Variants in KDM4C observed in about 807,000 individuals in gnomAD.
The protein encoded by KDM4C is lysine demethylase 4C.
A neutral mutation model predicts 129.3 loss-of-function variants in KDM4C; 81 were observed. The observed-to-expected ratio is 0.63, with a 90% CI of 0.52 to 0.75. KDM4C has a LOEUF of 0.75. Among genes scored for constraint, KDM4C ranks in the 30% least tolerant of loss-of-function variants. The pLI is 0.00. For missense variants in KDM4C, 1,457 were observed against 1,304.0 expected (o/e 1.12, Z -1.81); for synonymous variants, 573 against 456.1 (o/e 1.26, Z -3.26).
rs1375532172 is a variant in KDM4C at position 6,783,342 on chromosome 9, G to T, written c.-17-9630G>T. 2.6e-5 allele frequency among the ~76,000 whole-genome samples: 4 copies of T among 152,214 alleles called. No homozygotes were observed. In the East Asian group the frequency reaches 5.8e-4, roughly 22 times the overall value. ...GGACCAAGACTGGGATAGAGAAGCA[G>T]ATTTTGGAGGACAGATTCGTTTTTA... is the stretch of plus-strand genomic sequence containing the variant. On this transcript the variant is annotated intron_variant, in intron 1 of 21. Transcript: ENST00000381309.
intron 8 of KDM4C, among the ~76,000 whole-genome samples, chr9:6,948,458 ATTTT>A (rs568217316): frequency 1.7e-5 from 2 of 117,138 alleles, no homozygotes; most frequent in Non-Finnish European, 3.8e-5. Flanking sequence ...CACTTTCCTC[ATTTT>A]TTTTTTTTTT....
At chr9:7,106,116 TC>T (rs1371200166) in intron 18 of KDM4C, among the ~76,000 whole-genome samples, 2 of 152,206 alleles carry the variant, frequency 1.3e-5, no homozygotes, top group African/African-American at 4.8e-5. Flanking sequence ...CCATTCTTCT[TC>T]CATTCGACTC....
At chr9:7,073,501 C>G (rs1338512015) in intron 17 of KDM4C, among the ~76,000 whole-genome samples, 1 of 152,216 alleles carries the variant, frequency 6.6e-6, no homozygotes, top group Admixed American at 6.5e-5. Context: ...GTGGTGGTAG[C>G]TTCCCGATAT....
chr9:6,728,372 A>G (rs1417120211), intron 1 of KDM4C, among the ~76,000 whole-genome samples: 2 of 151,396 alleles, frequency 1.3e-5, no homozygotes, highest in Admixed American at 1.3e-4. Flanking sequence ...TGTCTTTACT[A>G]AAAGTACAAA....
At chr9:6,783,507 G>C (rs1043655073) in intron 1 of KDM4C, among the ~76,000 whole-genome samples, 1 of 152,172 alleles carries the variant, frequency 6.6e-6, no homozygotes, top group African/African-American at 2.4e-5. Context: ...GGGAAGGACA[G>C]TTGAGGCCAG....
chr9:7,052,863 C>CAGAGAGAGAGAGAGAGAG lies in KDM4C; in HGVS notation c.2424+3684_2424+3701dup, dbSNP rs370475585. Among the ~76,000 whole-genome samples, 276 of 40,938 alleles carry CAGAGAGAGAGAGAGAGAG rather than the reference C, an allele frequency of 6.7e-3. 12 individuals are homozygous for CAGAGAGAGAGAGAGAGAG. The highest frequency in any genetic ancestry group is 0.018 in the East Asian group (28 of 1,596). The allele number at this position is 40,938 out of a possible 152,430, so 26.9% of individuals were successfully genotyped here. On this transcript the variant is annotated intron_variant, in intron 17 of 21. Coordinates refer to ENST00000381309, the MANE Select transcript of KDM4C (RefSeq NM_015061.6). ...CTAACCAGAGCTCTGGCCACACCTGCAGAGAGAGAGAGAGAGAGAGAGAGA... is the reference window on the plus strand; with the variant it reads ...CTAACCAGAGCTCTGGCCACACCTGCAGAGAGAGAGAGAGAGAGAGAGAGAGAGAGAGAGAGAGAGAGA...
intron 4 of KDM4C, among the ~76,000 whole-genome samples, chr9:6,816,148 T>C (rs978957775): frequency 4.6e-5 from 7 of 152,240 alleles, no homozygotes; most frequent in African/African-American, 1.7e-4. Context: ...GCTGACTATC[T>C]GTCCCCAACA....
intron 8 of KDM4C, among the ~76,000 whole-genome samples, chr9:6,905,632 G>A (rs921834598): frequency 3.3e-5 from 5 of 152,156 alleles, no homozygotes; most frequent in Admixed American, 2.0e-4. Context: ...GATAACTGCC[G>A]TTCTCAGATT....
rs957084078 is a variant in KDM4C at position 6,928,564 on chromosome 9, C to T, written c.921+35332C>T. Among the ~76,000 whole-genome samples, 39 of 151,318 alleles carry T rather than the reference C, an allele frequency of 2.6e-4. 1 individual carries two copies. Among genetic ancestry groups the T allele is most frequent in the South Asian group, 6.3e-4 (3 of 4,768 alleles). On this transcript the variant is annotated intron_variant, in intron 8 of 21. Transcript: ENST00000381309. ...TCTATTATCACTTCAAATGTTACGT[C>T]GGTATCCTGGACTATAGTATATCAC...
chr9:6,879,920 C>A (rs1173379402), intron 5 of KDM4C, 92 bp from the exon 6 acceptor site: 8 of 586,550 alleles, frequency 1.4e-5, no homozygotes, highest in Non-Finnish European at 2.1e-5. Context: ...TGTTGAATTT[C>A]TTTTATGTGA....
chr9:6,994,958 G>T (rs1229216330), intron 12 of KDM4C, among the ~76,000 whole-genome samples: 3 of 152,134 alleles, frequency 2.0e-5, no homozygotes, highest in African/African-American at 4.8e-5. Context: ...AGGGCTTTTG[G>T]AGCTGTGACA....
At chr9:6,925,687 A>C (rs1179615398) in intron 8 of KDM4C, 2 of 965,244 alleles carry the variant, frequency 2.1e-6, no homozygotes, top group African/African-American at 3.5e-5. Context: ...GGAATTTTCC[A>C]ATTAGTTCTG....
chr9:7,007,783 C>A (rs1169471513), intron 12 of KDM4C, among the ~76,000 whole-genome samples: 3 of 151,690 alleles, frequency 2.0e-5, no homozygotes, highest in Non-Finnish European at 4.4e-5. Context: ...GGAAATCACA[C>A]CAGGGAAAAT....
chr9:6,826,012 A>G (rs1027460060), intron 4 of KDM4C, among the ~76,000 whole-genome samples: 2 of 152,072 alleles, frequency 1.3e-5, no homozygotes, highest in East Asian at 1.9e-4. Context: ...GGATTTCACT[A>G]TATTGCCCAG....
At chr9:6,855,230 G>A (rs992779742) in intron 5 of KDM4C, among the ~76,000 whole-genome samples, 6 of 152,242 alleles carry the variant, frequency 3.9e-5, no homozygotes, top group Middle Eastern at 3.4e-3. Context: ...GGAGGCTGAG[G>A]CGGGCAGATC....
At chr9:6,874,667 T>C (rs1434652963) in intron 5 of KDM4C, among the ~76,000 whole-genome samples, 1 of 152,170 alleles carries the variant, frequency 6.6e-6, no homozygotes, top group Non-Finnish European at 1.5e-5. Context: ...GCCCCAAGTC[T>C]GCCCAATCTA....
intron 5 of KDM4C, among the ~76,000 whole-genome samples, chr9:6,867,198 T>G (rs772599849): frequency 1.9e-4 from 29 of 151,926 alleles, no homozygotes; most frequent in Non-Finnish European, 5.9e-5. Flanking sequence ...TGTATTTTAG[T>G]AGAGACGGGG....
In KDM4C at chr9:7,139,783, A is replaced by G. The variant is rs1433177404; in HGVS notation, c.2781+11547A>G. Among the ~76,000 whole-genome samples the G allele has an allele frequency of 3.3e-5, 5 of 152,202 alleles. No individual in the cohort carries two copies. In the East Asian group the frequency reaches 9.6e-4, roughly 29 times the overall value. ...TGCTGGAACTTTATCTCATATCATT[A>G]TGTAAGCAGTGGTAGTTGTCTGTAT... On this transcript the variant is annotated intron_variant, in intron 19 of 21. Coordinates refer to ENST00000381309, the MANE Select transcript of KDM4C (RefSeq NM_015061.6).
chr9:7,073,760 C>A (rs1833531854), intron 17 of KDM4C, among the ~76,000 whole-genome samples: 1 of 152,150 alleles, frequency 6.6e-6, no homozygotes, highest in South Asian at 2.1e-4. Context: ...TCACATGGTA[C>A]CATTAGCCTT....
Sources: gnomAD v4.1 joint callset for allele counts (sites outside exome capture counted in the v4.1 genomes callset) on GRCh38, gnomAD v4.1.1 for gene constraint, MANE v1.5 for transcripts, NCBI Gene and HGNC (gene_info 2026-07-23, HGNC 2026-07-21) for gene names.